The following OCIAD1 variants were observed in gnomAD, a reference collection of about 807,000 sequenced individuals.
The protein encoded by OCIAD1 is OCIA domain-containing protein 1.
In OCIAD1, 29 loss-of-function variants were observed where a neutral mutation model predicts 38.9. That is an observed-to-expected ratio of 0.74 (90% CI 0.55 to 1.02). The LOEUF (loss-of-function observed/expected upper bound fraction) is 1.02. Ranked by LOEUF, OCIAD1 falls within the 50% of genes least tolerant of loss-of-function variation. The pLI, the probability that OCIAD1 is intolerant of heterozygous loss-of-function variation, is 0.00. For missense variants in OCIAD1, 288 were observed against 289.6 expected (o/e 0.99, Z 0.04); for synonymous variants, 110 against 92.0 (o/e 1.20, Z -1.12).
chr4:48,829,219 C>T (rs1171553714), upstream of OCIAD1, among the ~76,000 whole-genome samples: 1 of 151,610 alleles, frequency 6.6e-6, no homozygotes, highest in African/African-American at 2.4e-5. Context: ...GAGATGGCAC[C>T]ACTGTACTAC....
intron 7 of OCIAD1, among the ~76,000 whole-genome samples, chr4:48,855,566 C>T (rs923711896): frequency 1.3e-5 from 2 of 151,936 alleles, no homozygotes; most frequent in African/African-American, 4.8e-5. Flanking sequence ...GCCTGTAATC[C>T]CAGCACTTTG....
At position 48,819,660 on chromosome 4, in the gene OCIAD1, C is replaced by T. The variant is rs576975601; in HGVS notation, c.-102-10917C>T. ...TGCTATATTGAAGAGACCCATCTCA[C>T]GTGCAAAGACACACATAGGCTCAAA... is the stretch of plus-strand genomic sequence containing the variant. On this transcript the variant is annotated intron_variant, in intron 1 of 6. Coordinates refer to the OCIAD1 transcript ENST00000504654. Among the ~76,000 whole-genome samples the T allele has an allele frequency of 4.0e-5, 5 of 125,076 alleles. No individual in the cohort carries two copies. In the South Asian group the frequency reaches 1.1e-3, roughly 27 times the overall value. 82.1% of individuals were successfully genotyped at this position (125,076 alleles called of 152,430 possible). A position where few individuals can be genotyped will look rare whatever the true frequency, so the allele number is the denominator to read the frequency against.
At chr4:48,826,770 C>A (rs1777256615), upstream of OCIAD1, among the ~76,000 whole-genome samples, 1 of 152,158 alleles carries the variant, frequency 6.6e-6, no homozygotes, top group Non-Finnish European at 1.5e-5. Context: ...ATTTTTTCCT[C>A]CAGCTACCAC....
chr4:48,825,835 TTTTC>T (rs1381487079), intron 1 of OCIAD1, among the ~76,000 whole-genome samples: 4 of 151,096 alleles, frequency 2.6e-5, no homozygotes, highest in Non-Finnish European at 5.9e-5. Flanking sequence ...TCTTTCTTTC[TTTTC>T]TTTCTTTCTT....
chr4:48,855,240 GGGGTTAAGAACCCAA>G (rs1779915525), intron 7 of OCIAD1, among the ~76,000 whole-genome samples: 1 of 152,144 alleles, frequency 6.6e-6, no homozygotes, highest in African/African-American at 2.4e-5. Context: ...TCAGCAGAGT[GGGGTTAAGAACCCAA>G]GGTTCCTGAA....
chr4:48,857,750 T>C (rs1780196646), intron 8 of OCIAD1, among the ~76,000 whole-genome samples: 1 of 152,172 alleles, frequency 6.6e-6, no homozygotes, highest in Admixed American at 6.5e-5. Flanking sequence ...TTTGACCTTG[T>C]GATCCGCCTG....
At chr4:48,809,605 T>A (rs762997853) in intron 1 of OCIAD1, among the ~76,000 whole-genome samples, 11 of 152,188 alleles carry the variant, frequency 7.2e-5, no homozygotes, top group Non-Finnish European at 1.5e-4. Context: ...CCCTTCATGA[T>A]ACGGCCTCTG....
intron 3 of OCIAD1, 24 bp downstream of exon 3, chr4:48,833,505 A>G (rs554671633): frequency 7.0e-7 from 1 of 1,421,254 alleles, no homozygotes; most frequent in Non-Finnish European, 9.8e-7. Context: ...TCTAATTAAT[A>G]TAATTTGATC....
At chr4:48,842,472 A>G (rs182373714) in intron 3 of OCIAD1, among the ~76,000 whole-genome samples, 164 bp from the exon 4 acceptor site, 1 of 152,264 alleles carries the variant, frequency 6.6e-6, no homozygotes, top group Non-Finnish European at 1.5e-5. Context: ...TAATTTTTCC[A>G]CTATGTATAC....
At chr4:48,816,179 T>C (rs1410783376) in intron 1 of OCIAD1, among the ~76,000 whole-genome samples, 2 of 152,250 alleles carry the variant, frequency 1.3e-5, no homozygotes, top group African/African-American at 2.4e-5. Context: ...CATTTCTCGC[T>C]CTCTCTCTGT....
intron 3 of OCIAD1, among the ~76,000 whole-genome samples, chr4:48,835,782 T>TTGGA (rs879781553): frequency 5.3e-5 from 8 of 151,864 alleles, no homozygotes; most frequent in Non-Finnish European, 7.4e-5. Context: ...AGACCAGGAG[T>TTGGA]TTGAGACCAG....
At chr4:48,842,571 C>A in intron 3 of OCIAD1, 65 bp from the exon 4 acceptor site, 1 of 995,634 alleles carries the variant, frequency 1.0e-6, no homozygotes, top group Non-Finnish European at 1.5e-6. Context: ...ATTCATTTAT[C>A]TAATGAACTT....
chr4:48,831,456 C>A lies in OCIAD1; in HGVS notation c.-6+207C>A, dbSNP rs980661710. ...GGTGTGAGCTGGGGAAGTTCGTGGTCACGGATGCGTGTGGGGTTGCTGCTC... is the reference window on the plus strand; with the variant it reads ...GGTGTGAGCTGGGGAAGTTCGTGGTAACGGATGCGTGTGGGGTTGCTGCTC... On this transcript the variant is annotated intron_variant, in intron 1 of 8. Coordinates refer to ENST00000264312, the MANE Select transcript of OCIAD1 (RefSeq NM_017830.4). 7 of 1,283,382 alleles carry A rather than the reference C, an allele frequency of 5.5e-6. No homozygotes were observed. In the Admixed American group the frequency reaches 1.6e-4, roughly 29 times the overall value. The allele number at this position is 1,283,382 out of a possible 1,614,324, so 79.5% of individuals were successfully genotyped here.
chr4:48,818,577 G>A (rs1369316442), intron 1 of OCIAD1, among the ~76,000 whole-genome samples: 2 of 152,204 alleles, frequency 1.3e-5, no homozygotes, highest in African/African-American at 4.8e-5. Flanking sequence ...GAATGAGTTT[G>A]ATGAATTGAC....
At chr4:48,847,503 G>T (rs1224977641) in intron 4 of OCIAD1, among the ~76,000 whole-genome samples, 1 of 151,988 alleles carries the variant, frequency 6.6e-6, no homozygotes, top group Non-Finnish European at 1.5e-5. Context: ...ACACAAAGAT[G>T]GTCTCATGCT....
chr4:48,855,016 A>G (rs1779893347), intron 7 of OCIAD1, among the ~76,000 whole-genome samples: 1 of 152,212 alleles, frequency 6.6e-6, no homozygotes, highest in South Asian at 2.1e-4. Flanking sequence ...TGTTCTCTCC[A>G]TAGTGTGGGA....
chr4:48,813,257 T>C (rs1777108870), intron 1 of OCIAD1, among the ~76,000 whole-genome samples: 1 of 152,368 alleles, frequency 6.6e-6, no homozygotes, highest in South Asian at 2.1e-4. Context: ...ACTGTTGATA[T>C]GGTGTGGGGG....
chr4:48,831,298 C>T (rs1019167733), intron 1 of OCIAD1, 49 bp downstream of exon 1: 7 of 375,730 alleles, frequency 1.9e-5, no homozygotes, highest in African/African-American at 8.4e-5. Context: ...CGCGTATCCC[C>T]TCACCACCTT....
intron 1 of OCIAD1, among the ~76,000 whole-genome samples, chr4:48,819,672 C>T (rs1272306617): frequency 9.4e-6 from 1 of 106,030 alleles, no homozygotes; most frequent in African/African-American, 3.7e-5. Flanking sequence ...TGCAAAGACA[C>T]ACATAGGCTC....
Sources: allele counts gnomAD v4.1 joint callset (sites outside exome capture counted in the v4.1 genomes callset), GRCh38; gene constraint gnomAD v4.1.1; transcripts MANE v1.5; gene names NCBI Gene and HGNC (gene_info 2026-07-23, HGNC 2026-07-21).